Variants in DGKB observed in about 807,000 individuals in gnomAD.
DGKB encodes diacylglycerol kinase beta, also known as 90 kDa diacylglycerol kinase.
DGKB carries 67 observed loss-of-function variants against 114.3 expected under a neutral mutation model. That is an observed-to-expected ratio of 0.59 (90% CI 0.48 to 0.72). DGKB has a LOEUF of 0.72. DGKB is among the 30% of genes least tolerant of loss of function. DGKB has a pLI of 0.00. For synonymous variants in DGKB, 398 were observed against 323.1 expected (o/e 1.23, Z -2.49); for missense variants, 907 against 975.2 (o/e 0.93, Z 0.93).
At chr7:14,910,258 GAAA>G (rs1783921504) in intron 1 of DGKB, among the ~76,000 whole-genome samples, 2 of 93,150 alleles carry the variant, frequency 2.1e-5, no homozygotes, top group East Asian at 3.8e-4. Context: ...AAGAAAGAAA[GAAA>G]GAAAGAAAGA....
chr7:14,515,464 A>G (rs1257539452), intron 20 of DGKB, among the ~76,000 whole-genome samples: 12 of 152,200 alleles, frequency 7.9e-5, no homozygotes, highest in Admixed American at 7.9e-4. Flanking sequence ...TAAGTCAGAA[A>G]CTGAATCAAA....
chr7:14,853,706 C>G (rs1365195178), intron 1 of DGKB, among the ~76,000 whole-genome samples: 1 of 151,076 alleles, frequency 6.6e-6, no homozygotes, highest in African/African-American at 2.4e-5. Flanking sequence ...AATACAACAA[C>G]AACAACAAAA....
intron 5 of DGKB, among the ~76,000 whole-genome samples, chr7:14,719,679 T>C (rs1453994642): frequency 6.6e-6 from 1 of 152,078 alleles, no homozygotes; most frequent in Non-Finnish European, 1.5e-5. Context: ...TCTACTTTAG[T>C]TTTTCAATTT....
chr7:14,483,249 T>C (rs1783262203), intron 20 of DGKB, among the ~76,000 whole-genome samples: 1 of 152,148 alleles, frequency 6.6e-6, no homozygotes, highest in South Asian at 2.1e-4. Flanking sequence ...ACTTTCTTTT[T>C]GCGGGAATAG....
rs529704386 is a variant in DGKB, at chr7:14,320,387, C to T, written c.2122+18128G>A. ...TATTTATAGAGTCCAAGTAGCACGT[C>T]CAGAGCTTGTTCTCAGTTGACATAT... is the stretch of plus-strand genomic sequence containing the variant. On this transcript the variant is annotated intron_variant, in intron 23 of 25. Transcript: ENST00000402815. 3.9e-5 allele frequency among the ~76,000 whole-genome samples: 6 copies of T among 152,210 alleles called. No individual in the cohort carries two copies. The South Asian group carries it at 6.2e-4, about 16-fold the overall frequency.
chr7:14,410,580 A>G (rs1224678436), intron 21 of DGKB, among the ~76,000 whole-genome samples: 1 of 152,156 alleles, frequency 6.6e-6, no homozygotes, highest in African/African-American at 2.4e-5. Context: ...TATATGACAA[A>G]AGGTATGACT....
At chr7:14,888,343 C>T (rs1039174086) in intron 1 of DGKB, among the ~76,000 whole-genome samples, 1 of 151,406 alleles carries the variant, frequency 6.6e-6, no homozygotes, top group Non-Finnish European at 1.5e-5. Flanking sequence ...TTGAAATTTC[C>T]TGCACAAACA....
Position 14,883,727 on chromosome 7 carries a change from T to C in DGKB, c.-188+18865A>G, listed in dbSNP as rs149737686. Among the ~76,000 whole-genome samples the C allele has an allele frequency of 2.0e-3, 297 of 152,136 alleles. 1 individual carries two copies. The highest frequency in any genetic ancestry group is 6.9e-3 in the African/African-American group (288 of 41,566). On this transcript the variant is annotated intron_variant, in intron 1 of 25. Coordinates refer to ENST00000402815, the MANE Select transcript of DGKB (RefSeq NM_001350709.2). Reference sequence around the variant, plus strand: ...GAACCTAAAGGCTTAATTGGCATTTTGCACACATAAGTGGATTCAGGAGCT... The same window carrying C: ...GAACCTAAAGGCTTAATTGGCATTTCGCACACATAAGTGGATTCAGGAGCT...
chr7:14,219,496 C>T (rs1351862116), intron 23 of DGKB, among the ~76,000 whole-genome samples: 1 of 151,740 alleles, frequency 6.6e-6, no homozygotes, highest in Non-Finnish European at 1.5e-5. Context: ...TTTTGATTTG[C>T]ATTTTCCTAA....
chr7:14,492,888 G>C (rs1393327139), intron 20 of DGKB, among the ~76,000 whole-genome samples: 2 of 152,062 alleles, frequency 1.3e-5, no homozygotes, highest in Non-Finnish European at 2.9e-5. Context: ...TAATTATACT[G>C]TTTGTAGGCT....
At chr7:14,676,793 C>G (rs1525082) in intron 12 of DGKB, among the ~76,000 whole-genome samples, 130,029 of 151,946 alleles carry the variant, frequency 0.86, 55,729 homozygotes, top group East Asian at 0.9. Flanking sequence ...AAATGAACTA[C>G]AGCATTGAAG....
At chr7:14,859,597 C>G (rs1026212208) in intron 1 of DGKB, among the ~76,000 whole-genome samples, 6 of 152,110 alleles carry the variant, frequency 3.9e-5, no homozygotes, top group African/African-American at 1.4e-4. Flanking sequence ...GGAGAAAATA[C>G]ACATTTTCAG....
At chr7:14,218,143 T>A (rs1789304403) in intron 23 of DGKB, among the ~76,000 whole-genome samples, 1 of 152,074 alleles carries the variant, frequency 6.6e-6, no homozygotes, top group African/African-American at 2.4e-5. Context: ...AGTGTTCAGA[T>A]TATGTAAAAT....
intron 22 of DGKB, among the ~76,000 whole-genome samples, chr7:14,341,851 T>C (rs961165411): frequency 6.6e-6 from 1 of 151,870 alleles, no homozygotes; most frequent in African/African-American, 2.4e-5. Context: ...TGAAGAACTT[T>C]GGAGAGCTCT....
intron 13 of DGKB, among the ~76,000 whole-genome samples, chr7:14,668,367 A>C (rs1468596022): frequency 1.3e-5 from 2 of 152,136 alleles, no homozygotes; most frequent in African/African-American, 2.4e-5. Flanking sequence ...AGGTTTCAGT[A>C]GCTGAGATAC....
intron 20 of DGKB, among the ~76,000 whole-genome samples, chr7:14,492,231 A>C (rs1274186029): frequency 2.6e-5 from 4 of 151,996 alleles, no homozygotes; most frequent in Non-Finnish European, 4.4e-5. Flanking sequence ...TCTATTGAGG[A>C]CTTTCCTATG....
intron 21 of DGKB, among the ~76,000 whole-genome samples, chr7:14,446,883 T>C (rs1435262681): frequency 2.0e-5 from 3 of 152,038 alleles, no homozygotes. Flanking sequence ...ACGGTGCCTA[T>C]GGGAATGCAC....
intron 21 of DGKB, among the ~76,000 whole-genome samples, chr7:14,385,642 T>C (rs2128694087): frequency 6.6e-6 from 1 of 152,318 alleles, no homozygotes. Context: ...CAGTCGCAGA[T>C]CTCTTCTCAA....
At chr7:14,646,238 A>G (rs1812978454) in intron 13 of DGKB, among the ~76,000 whole-genome samples, 1 of 152,222 alleles carries the variant, frequency 6.6e-6, no homozygotes, top group African/African-American at 2.4e-5. Context: ...GTATCAGACA[A>G]AGTAGACTTT....
Sources: allele counts gnomAD v4.1 joint callset (sites outside exome capture counted in the v4.1 genomes callset), GRCh38; gene constraint gnomAD v4.1.1; transcripts MANE v1.5; gene names NCBI Gene and HGNC (gene_info 2026-07-23, HGNC 2026-07-21).